SUMF1: variants seen among roughly 807,000 people sequenced by gnomAD.
The protein encoded by SUMF1 is sulfatase modifying factor 1.
A neutral mutation model predicts 47.6 loss-of-function variants in SUMF1; 48 were observed. The observed-to-expected ratio is 1.01, with a 90% CI of 0.80 to 1.28. SUMF1 has a LOEUF of 1.28. Among genes scored for constraint, SUMF1 ranks in the 50% most tolerant of loss-of-function variants. SUMF1 has a pLI of 0.00. For synonymous variants in SUMF1, 230 were observed against 192.1 expected, an observed-to-expected ratio of 1.20 and a Z score of -1.63; for missense variants, 571 against 485.4, an observed-to-expected ratio of 1.18 and a Z score of -1.66.
intron 4 of SUMF1, among the ~76,000 whole-genome samples, chr3:4,419,434 G>C (rs1701819832): frequency 6.6e-6 from 1 of 152,208 alleles, no homozygotes; most frequent in Non-Finnish European, 1.5e-5. Flanking sequence ...TAGGTTAGGA[G>C]AGCAGGTTTC....
chr3:4,261,047 C>G (rs1697075295), intron 8 of SUMF1, among the ~76,000 whole-genome samples: 1 of 152,016 alleles, frequency 6.6e-6, no homozygotes, highest in Non-Finnish European at 1.5e-5. Context: ...GTTGTTACAC[C>G]AACAATAACT....
intron 8 of SUMF1, among the ~76,000 whole-genome samples, chr3:4,134,687 G>T (rs907306440): frequency 6.6e-6 from 1 of 152,034 alleles, no homozygotes. Flanking sequence ...CCAGGAGCTG[G>T]TTTTTTGAAA....
At chr3:4,207,984 G>A (rs1695690542) in intron 8 of SUMF1, among the ~76,000 whole-genome samples, 1 of 152,256 alleles carries the variant, frequency 6.6e-6, no homozygotes, top group Middle Eastern at 3.4e-3. Flanking sequence ...ACCTGCAGGA[G>A]CTCTACAAAA....
At chr3:4,083,225 T>C (rs1297304105) in intron 8 of SUMF1, among the ~76,000 whole-genome samples, 2 of 152,196 alleles carry the variant, frequency 1.3e-5, no homozygotes, top group African/African-American at 4.8e-5. Context: ...ATTCAAACTT[T>C]GTTGGCGGCT....
At position 4,466,578 on chromosome 3, in the gene SUMF1, C is replaced by G. The variant is rs73807252; in HGVS notation, c.270+398G>C. 2.4e-3 allele frequency among the ~76,000 whole-genome samples: 362 copies of G among 152,202 alleles called. 2 individuals are homozygous for G. Among genetic ancestry groups the G allele is most frequent in the African/African-American group, 8.3e-3 (344 of 41,520 alleles). ...CCCTTGTCCTCAAGCAGAGTGTACT[C>G]GAGGAGACTACAGATAAGTATACAA... On this transcript the variant is annotated intron_variant, in intron 1 of 8. Transcript: ENST00000272902.
intron 8 of SUMF1, among the ~76,000 whole-genome samples, chr3:4,270,125 G>A (rs990752907): frequency 2.6e-5 from 4 of 152,112 alleles, no homozygotes; most frequent in Admixed American, 6.5e-5. Flanking sequence ...AGGAACAAAC[G>A]AAGAAACTGG....
chr3:4,206,559 C>T (rs1047847028), intron 8 of SUMF1, among the ~76,000 whole-genome samples: 10 of 152,132 alleles, frequency 6.6e-5, no homozygotes, highest in Non-Finnish European at 1.0e-4. Context: ...CTCTGTGTCA[C>T]GTGGCACTGC....
chr3:4,176,316 C>T (rs1457658927), intron 8 of SUMF1, among the ~76,000 whole-genome samples: 4 of 152,144 alleles, frequency 2.6e-5, no homozygotes, highest in Non-Finnish European at 5.9e-5. Context: ...CAAAGGGAAG[C>T]CCATCAGACT....
intron 8 of SUMF1, among the ~76,000 whole-genome samples, chr3:4,279,878 T>C (rs138438648): frequency 1.1e-3 from 175 of 152,332 alleles, no homozygotes; most frequent in African/African-American, 3.9e-3. Flanking sequence ...AAACTGCATG[T>C]ACTATATCTT....
chr3:4,145,571 A>T (rs564750714), intron 8 of SUMF1, among the ~76,000 whole-genome samples: 1 of 152,188 alleles, frequency 6.6e-6, no homozygotes, highest in African/African-American at 2.4e-5. Flanking sequence ...CAATCCATAC[A>T]TATATTGCTT....
chr3:4,178,179 T>G (rs558257333), intron 8 of SUMF1, among the ~76,000 whole-genome samples: 1 of 152,162 alleles, frequency 6.6e-6, no homozygotes, highest in Non-Finnish European at 1.5e-5. Flanking sequence ...GAATCCTCCC[T>G]AACTCATTTG....
At chr3:4,171,508 T>A (rs1694832380) in intron 8 of SUMF1, among the ~76,000 whole-genome samples, 2 of 152,110 alleles carry the variant, frequency 1.3e-5, no homozygotes. Context: ...ACCAGACAAT[T>A]ATGTCAAAAA....
Position 4,456,829 on chromosome 3 carries a change from T to C in SUMF1, c.271-3780A>G, listed in dbSNP as rs201423853. 4.3e-3 allele frequency among the ~76,000 whole-genome samples: 174 copies of C among 40,152 alleles called. 1 individual carries two copies. Among genetic ancestry groups the C allele is most frequent in the Middle Eastern group, 0.019 (1 of 54 alleles). The allele number at this position is 40,152 out of a possible 152,430, so 26.3% of individuals were successfully genotyped here. ...ATATATATACGTGTGTGTGTATATA[T>C]ACGTGTATATATATACGTGTGTGTA... On this transcript the variant is annotated intron_variant, in intron 1 of 8. Transcript: ENST00000272902.
chr3:4,253,229 T>C (rs952068601), intron 8 of SUMF1, among the ~76,000 whole-genome samples: 19 of 152,150 alleles, frequency 1.2e-4, no homozygotes, highest in South Asian at 4.2e-4. Context: ...TTTCTCTCCA[T>C]TGGAAAAAAA....
chr3:4,368,760 G>T (rs2125198410), intron 8 of SUMF1, among the ~76,000 whole-genome samples: 1 of 152,258 alleles, frequency 6.6e-6, no homozygotes, highest in East Asian at 1.9e-4. Context: ...TACCTAGCAG[G>T]TATTCAGTGA....
intron 8 of SUMF1, among the ~76,000 whole-genome samples, chr3:4,115,807 G>C (rs1285937299): frequency 6.6e-6 from 1 of 151,964 alleles, no homozygotes; most frequent in Non-Finnish European, 1.5e-5. Flanking sequence ...AAACTTTCTA[G>C]ATACGAAACG....
intron 8 of SUMF1, among the ~76,000 whole-genome samples, chr3:4,271,468 T>TAGAC (rs1553615483): frequency 1.3e-4 from 2 of 15,682 alleles, no homozygotes; most frequent in African/African-American, 5.7e-4. Flanking sequence ...ATACTATCTA[T>TAGAC]AGATAGATAG....
intron 8 of SUMF1, among the ~76,000 whole-genome samples, chr3:4,102,697 C>T (rs893179528): frequency 1.3e-5 from 2 of 152,094 alleles, no homozygotes; most frequent in African/African-American, 4.8e-5. Flanking sequence ...TGTACTCCAT[C>T]TCTCCAACTG....
At chr3:4,192,866 G>A (rs1160057108) in intron 8 of SUMF1, among the ~76,000 whole-genome samples, 1 of 152,114 alleles carries the variant, frequency 6.6e-6, no homozygotes, top group African/African-American at 2.4e-5. Context: ...TTCATGGTTG[G>A]TGGATAGATC....
Sources: allele counts gnomAD v4.1 joint callset (sites outside exome capture counted in the v4.1 genomes callset), GRCh38; gene constraint gnomAD v4.1.1; transcripts MANE v1.5; gene names NCBI Gene and HGNC (gene_info 2026-07-23, HGNC 2026-07-21).